Variants in CENPW observed in about 807,000 individuals in gnomAD.
CENPW encodes the protein centromere protein W, also known as cancer-up-regulated gene 2 protein.
In CENPW, 3 loss-of-function variants were observed where a neutral mutation model predicts 11.1. That is an observed-to-expected ratio of 0.27 (90% CI 0.12 to 0.70). CENPW has a LOEUF of 0.70. Among genes scored for constraint, CENPW ranks in the 30% least tolerant of loss-of-function variants. The pLI is 0.77. For missense variants in CENPW, 100 were observed against 105.6 expected (o/e 0.95, Z 0.23); for synonymous variants, 38 against 42.0 (o/e 0.91, Z 0.37).
At chr6:126,390,530 C>A in the CENPW span, among the ~76,000 whole-genome samples, 12 of 151,776 alleles carry the variant, frequency 7.9e-5, no homozygotes, top group Admixed American at 7.9e-4. Flanking sequence ...TATAGTTACC[C>A]AATTGTGCTA....
chr6:126,442,212 A>G, the CENPW span, among the ~76,000 whole-genome samples: 1 of 151,646 alleles, frequency 6.6e-6, no homozygotes, highest in East Asian at 1.9e-4. Flanking sequence ...AGCGATGTTG[A>G]GCATTTTTTC....
the CENPW span, among the ~76,000 whole-genome samples, chr6:126,438,429 A>G: frequency 6.6e-6 from 1 of 151,792 alleles, no homozygotes; most frequent in South Asian, 2.1e-4. Context: ...TGACACAGAA[A>G]GAAATCTATT....
chr6:126,459,275 T>C, the CENPW span, among the ~76,000 whole-genome samples: 6 of 151,394 alleles, frequency 4.0e-5, no homozygotes, highest in Non-Finnish European at 7.4e-5. Context: ...AGAGAGTCTA[T>C]ATTTTAGAGA....
At chr6:126,376,243 A>G in the CENPW span, among the ~76,000 whole-genome samples, 1 of 152,204 alleles carries the variant, frequency 6.6e-6, no homozygotes, top group Non-Finnish European at 1.5e-5. Context: ...ACATAAGCTG[A>G]TAGCCATTCA....
chr6:126,383,214 C>T, the CENPW span, among the ~76,000 whole-genome samples: 1 of 152,152 alleles, frequency 6.6e-6, no homozygotes, highest in Non-Finnish European at 1.5e-5. Context: ...TCTTTTCAGA[C>T]AAGCAAATTC....
At chr6:126,440,927 T>A in the CENPW span, among the ~76,000 whole-genome samples, 1 of 151,470 alleles carries the variant, frequency 6.6e-6, no homozygotes, top group Non-Finnish European at 1.5e-5. Context: ...TTTAAGTACT[T>A]TAGACCACAA....
At chr6:126,432,254 C>T in the CENPW span, among the ~76,000 whole-genome samples, 2 of 152,048 alleles carry the variant, frequency 1.3e-5, no homozygotes, top group African/African-American at 4.8e-5. Flanking sequence ...ACTGTCTACT[C>T]CCTATGTTCC....
the CENPW span, among the ~76,000 whole-genome samples, chr6:126,403,552 G>C: frequency 6.6e-6 from 1 of 152,118 alleles, no homozygotes; most frequent in Non-Finnish European, 1.5e-5. Flanking sequence ...CTTCAATTCA[G>C]TGAAGACAGA....
At chr6:126,371,349 A>G in the CENPW span, among the ~76,000 whole-genome samples, 2 of 152,176 alleles carry the variant, frequency 1.3e-5, no homozygotes, top group South Asian at 4.2e-4. Context: ...ATATAATAAT[A>G]TGGTTTTTGT....
chr6:126,471,330 G>A, the CENPW span, among the ~76,000 whole-genome samples: 1 of 152,100 alleles, frequency 6.6e-6, no homozygotes, highest in Non-Finnish European at 1.5e-5. Flanking sequence ...ATGTGAAGAA[G>A]GTGCCTGCTT....
the CENPW span, among the ~76,000 whole-genome samples, chr6:126,461,893 G>A: frequency 6.6e-6 from 1 of 151,832 alleles, no homozygotes; most frequent in East Asian, 1.9e-4. Context: ...GTTTCTAGTG[G>A]TAACAATCCT....
In CENPW at chr6:126,342,418, C is replaced by T. The variant is rs540250729; in HGVS notation, c.126+2019C>T. 1.6e-4 allele frequency among the ~76,000 whole-genome samples: 25 copies of T among 152,276 alleles called. No homozygotes were observed. In the South Asian group the frequency reaches 5.2e-3, roughly 32 times the overall value. On this transcript the variant is annotated intron_variant, in intron 1 of 2. Transcript: ENST00000368328. Reference sequence around the variant, plus strand: ...ACATCATACAGTTGAGCTATTGGGACTCTTAACACTGTTGTCTAGGAGTTT... The same window carrying T: ...ACATCATACAGTTGAGCTATTGGGATTCTTAACACTGTTGTCTAGGAGTTT...
At chr6:126,375,800 T>C in the CENPW span, among the ~76,000 whole-genome samples, 1 of 151,960 alleles carries the variant, frequency 6.6e-6, no homozygotes, top group Non-Finnish European at 1.5e-5. Flanking sequence ...ATTCAGGCCT[T>C]ATAAAGGCCA....
At chr6:126,421,077 A>G in the CENPW span, among the ~76,000 whole-genome samples, 12 of 152,208 alleles carry the variant, frequency 7.9e-5, no homozygotes, top group African/African-American at 2.9e-4. Context: ...ACTTTCCAGT[A>G]CCAAGGGATT....
chr6:126,370,910 G>A, the CENPW span, among the ~76,000 whole-genome samples: 92 of 151,880 alleles, frequency 6.1e-4, no homozygotes, highest in African/African-American at 2.1e-3. Context: ...CCACCACCAC[G>A]CCTGGCTAAT....
At chr6:126,467,819 T>G in the CENPW span, among the ~76,000 whole-genome samples, 1 of 152,112 alleles carries the variant, frequency 6.6e-6, no homozygotes, top group Admixed American at 6.6e-5. Context: ...AGTGGAGAAG[T>G]CTGACAAACA....
the CENPW span, among the ~76,000 whole-genome samples, chr6:126,480,451 C>A: frequency 7.1e-3 from 1,083 of 152,044 alleles, 13 homozygotes; most frequent in African/African-American, 0.024. Flanking sequence ...TTTATGACTT[C>A]TAGTCTACTT....
the CENPW span, among the ~76,000 whole-genome samples, chr6:126,365,041 C>G: frequency 6.6e-6 from 1 of 152,090 alleles, no homozygotes; most frequent in Non-Finnish European, 1.5e-5. Flanking sequence ...CATGTAGACA[C>G]AAGGATTTAA....
At chr6:126,457,573 A>G in the CENPW span, among the ~76,000 whole-genome samples, 1 of 151,262 alleles carries the variant, frequency 6.6e-6, no homozygotes, top group African/African-American at 2.4e-5. Flanking sequence ...TCATTCTGCT[A>G]ATAGCAAGAT....
Sources: gnomAD v4.1 joint callset for allele counts (sites outside exome capture counted in the v4.1 genomes callset) on GRCh38, gnomAD v4.1.1 for gene constraint, MANE v1.5 for transcripts, NCBI Gene and HGNC (gene_info 2026-07-23, HGNC 2026-07-21) for gene names.